Variants in PPM1K observed in about 807,000 individuals in gnomAD.
PPM1K encodes protein phosphatase Mn(2+)-dependent 1K.
PPM1K carries 19 observed loss-of-function variants against 32.6 expected under a neutral mutation model. The observed-to-expected ratio is 0.58, with a 90% confidence interval of 0.41 to 0.86. PPM1K has a LOEUF of 0.86. Among genes scored for constraint, PPM1K ranks in the 40% least tolerant of loss-of-function variants. The pLI is 0.00. For synonymous variants in PPM1K, 159 were observed against 165.3 expected, an observed-to-expected ratio of 0.96 and a Z score of 0.29; for missense variants, 362 against 461.2, an observed-to-expected ratio of 0.78 and a Z score of 1.97.
At chr4:88,263,077 C>A (rs115224925) in intron 6 of PPM1K, among the ~76,000 whole-genome samples, 2 of 152,120 alleles carry the variant, frequency 1.3e-5, no homozygotes, top group African/African-American at 4.8e-5. Flanking sequence ...GAGTAACACA[C>A]GGTGAGGACT....
intron 4 of PPM1K, 90 bp from the exon 5 acceptor site, chr4:88,268,424 C>G: frequency 7.0e-7 from 1 of 1,437,698 alleles, no homozygotes; most frequent in East Asian, 2.3e-5. Flanking sequence ...AGATCGAGAC[C>G]ATCCTGGCTA....
At chr4:88,272,390 T>TC (rs1296593213) in intron 3 of PPM1K, among the ~76,000 whole-genome samples, 2 of 152,198 alleles carry the variant, frequency 1.3e-5, no homozygotes, top group Admixed American at 6.5e-5. Flanking sequence ...GCCATCAATG[T>TC]CCCCCACTCT....
chr4:88,267,156 G>A (rs1331576880), intron 5 of PPM1K, among the ~76,000 whole-genome samples: 3 of 148,272 alleles, frequency 2.0e-5, no homozygotes, highest in Non-Finnish European at 4.5e-5. Flanking sequence ...GGCTGATTGG[G>A]TGCAGATGAT....
intron 1 of PPM1K, among the ~76,000 whole-genome samples, chr4:88,282,990 A>G (rs1023211245): frequency 6.6e-6 from 1 of 152,238 alleles, no homozygotes; most frequent in Non-Finnish European, 1.5e-5. Flanking sequence ...TTGCAAGAAA[A>G]AATTATTAGC....
chr4:88,268,121 A>T, intron 5 of PPM1K, 69 bp downstream of exon 5: 2 of 1,503,658 alleles, frequency 1.3e-6, no homozygotes, highest in South Asian at 2.4e-5. Flanking sequence ...CTTCCAAGAA[A>T]GGTGCAGCAG....
chr4:88,277,612 CAT>C (rs1296450238), intron 2 of PPM1K: 1 of 199,856 alleles, frequency 5.0e-6, no homozygotes, highest in African/African-American at 2.3e-5. Context: ...AACTCCATCA[CAT>C]GTTCTCCCTC....
intron 5 of PPM1K, among the ~76,000 whole-genome samples, chr4:88,266,949 C>CTGCTGATTGGGTGCAGGTGA (rs1731342427): frequency 1.1e-5 from 1 of 91,484 alleles, no homozygotes; most frequent in African/African-American, 4.5e-5. Context: ...GGTGCAGGTG[C>CTGCTGATTGGGTGCAGGTGA]TGCTGATTGG....
chr4:88,280,529 C>G (rs1406771374), intron 1 of PPM1K, among the ~76,000 whole-genome samples: 1 of 152,180 alleles, frequency 6.6e-6, no homozygotes, highest in Non-Finnish European at 1.5e-5. Flanking sequence ...CTTTGAGAGG[C>G]CGAGGTAGGC....
intron 6 of PPM1K, among the ~76,000 whole-genome samples, chr4:88,264,755 G>C (rs576538116): frequency 6.6e-6 from 1 of 152,256 alleles, no homozygotes; most frequent in Admixed American, 6.5e-5. Context: ...GTGAATATTA[G>C]TTTACTATTA....
rs139131853 is a variant in PPM1K at position 88,265,043 on chromosome 4, C to T, written c.945G>A (p.Gln315=). 29 of 1,614,172 alleles carry T rather than the reference C, an allele frequency of 1.8e-5. No individual in the cohort carries two copies. The highest frequency in any genetic ancestry group is 6.7e-5 in the East Asian group (3 of 44,888). The change falls in exon 6 of 7, where the codon CAG becomes CAA. Residue 315 remains glutamine (Q), a synonymous_variant. Transcript: ENST00000608933. ...NSQEICDFVN[Q]CHDPNEAAHA... ...GGGCTGCTTCGTTGGGATCATGGCACTGATTGACAAAGTCACAAATCTCTT... is the reference window on the plus strand; with the variant it reads ...GGGCTGCTTCGTTGGGATCATGGCATTGATTGACAAAGTCACAAATCTCTT...
intron 1 of PPM1K, among the ~76,000 whole-genome samples, chr4:88,282,889 T>G (rs975168858): frequency 6.6e-6 from 1 of 152,240 alleles, no homozygotes; most frequent in East Asian, 1.9e-4. Flanking sequence ...CACAGTCTAT[T>G]ATGTCACCAG....
chr4:88,266,816 C>T (rs1236325052), intron 5 of PPM1K, among the ~76,000 whole-genome samples: 4 of 141,632 alleles, frequency 2.8e-5, no homozygotes, highest in African/African-American at 1.1e-4. Context: ...GCAGGTGATG[C>T]TAGATGACTG....
intron 3 of PPM1K, chr4:88,275,335 C>A (rs970000523): frequency 3.2e-5 from 31 of 966,766 alleles, no homozygotes; most frequent in Non-Finnish European, 3.7e-5. Context: ...TGATTAATTT[C>A]TTTATACAAC....
At chr4:88,264,899 A>T in intron 6 of PPM1K, 102 bp downstream of exon 6, 1 of 1,158,828 alleles carries the variant, frequency 8.6e-7, no homozygotes, top group Non-Finnish European at 1.2e-6. Context: ...TTATGGAATC[A>T]AGTGTAAAAT....
chr4:88,277,875 A>G, intron 2 of PPM1K: 1 of 510,682 alleles, frequency 2.0e-6, no homozygotes, highest in Non-Finnish European at 3.5e-6. Flanking sequence ...TCTCATGTAC[A>G]TTATGCCACT....
chr4:88,266,779 G>A (rs1445260106), intron 5 of PPM1K, among the ~76,000 whole-genome samples: 2 of 148,760 alleles, frequency 1.3e-5, no homozygotes, highest in African/African-American at 5.0e-5. Flanking sequence ...TGGCCGATTG[G>A]GTGCAGGTGA....
Position 88,278,129 on chromosome 4 carries a change from A to C in PPM1K, c.440+15T>G, listed in dbSNP as rs1578322490. On this transcript the variant is annotated intron_variant, in intron 2 of 6. Transcript: ENST00000608933. This position sits in a 1 kb window ranked among gnomAD's most constrained non-coding sequence, Gnocchi z 4.2. The stretch of plus-strand genomic sequence containing the variant: ...TAGGAACTGCAAAGTCAGGAGTGAA[A>C]GTCATTGTACATACATAATACATTT... 1 of 1,598,664 alleles carries C rather than the reference A, an allele frequency of 6.3e-7. No homozygotes were observed.
In PPM1K at chr4:88,260,886, T is replaced by C. The variant is rs534546300; in HGVS notation, c.*1709A>G. The C allele has an allele frequency of 1.3e-5, 2 of 152,312 alleles. No individual in the cohort carries two copies. The highest frequency in any genetic ancestry group is 4.8e-5 in the African/African-American group (2 of 41,580). The allele number at this position is 152,312 out of a possible 1,614,324, so 9.4% of individuals were successfully genotyped here. On this transcript the variant is annotated 3_prime_UTR_variant, in exon 7 of 7. Coordinates refer to ENST00000608933, the MANE Select transcript of PPM1K (RefSeq NM_152542.5). ...GTATTTTTCTCACATCCTATTACTTTATATACAAATTGCCATATAGCAATT... is the reference window on the plus strand; with the variant it reads ...GTATTTTTCTCACATCCTATTACTTCATATACAAATTGCCATATAGCAATT...
intron 5 of PPM1K, among the ~76,000 whole-genome samples, chr4:88,265,557 A>G (rs1421159083): frequency 6.6e-6 from 1 of 152,196 alleles, no homozygotes; most frequent in Non-Finnish European, 1.5e-5. Context: ...TCTTTCCTTT[A>G]TAAATTACCC....
Sources: gnomAD v4.1 joint callset for allele counts (sites outside exome capture counted in the v4.1 genomes callset) on GRCh38, gnomAD v4.1.1 for gene constraint, Gnocchi (gnomAD v3.1) non-coding constraint, MANE v1.5 for transcripts, NCBI Gene and HGNC (gene_info 2026-07-23, HGNC 2026-07-21) for gene names.